CACNB4: variants seen among roughly 807,000 people sequenced by gnomAD.
The protein encoded by CACNB4 is calcium voltage-gated channel auxiliary subunit beta 4, also known as voltage-dependent L-type calcium channel subunit beta-4.
A neutral mutation model predicts 71.2 loss-of-function variants in CACNB4; 32 were observed. The observed-to-expected ratio is 0.45, with a 90% CI of 0.34 to 0.60. The LOEUF is 0.60. CACNB4 is among the 20% of genes least tolerant of loss of function. CACNB4 has a pLI of 0.01. For synonymous variants in CACNB4, 231 were observed against 236.9 expected (o/e 0.97, Z 0.23); for missense variants, 464 against 647.9 (o/e 0.72, Z 3.08).
At chr2:151,875,544 G>A (rs1205321033) in intron 5 of CACNB4, among the ~76,000 whole-genome samples, 1 of 151,462 alleles carries the variant, frequency 6.6e-6, no homozygotes. Context: ...CGGGCAGAGG[G>A]GCTCCTCACT....
chr2:151,954,147 A>G (rs1187418728), intron 2 of CACNB4, among the ~76,000 whole-genome samples: 2 of 152,194 alleles, frequency 1.3e-5, no homozygotes, highest in Non-Finnish European at 2.9e-5. Flanking sequence ...CTGAAGCAAC[A>G]ACCGCAGCTT....
At chr2:151,849,059 C>T (rs1224787086) in intron 12 of CACNB4, among the ~76,000 whole-genome samples, 1 of 152,086 alleles carries the variant, frequency 6.6e-6, no homozygotes, top group African/African-American at 2.4e-5. Context: ...CCCCTTTTGT[C>T]TGCATCCCAT....
intron 2 of CACNB4, among the ~76,000 whole-genome samples, chr2:152,054,382 A>G (rs1216453771): frequency 6.6e-6 from 1 of 151,848 alleles, no homozygotes; most frequent in Non-Finnish European, 1.5e-5. Flanking sequence ...AAAAAAAAAA[A>G]AAAAAAATAG....
intron 2 of CACNB4, among the ~76,000 whole-genome samples, chr2:152,062,135 T>C (rs1028298714): frequency 1.3e-5 from 2 of 152,024 alleles, no homozygotes; most frequent in Non-Finnish European, 2.9e-5. Flanking sequence ...ATTCACTTTC[T>C]ATGTACCTTA....
At chr2:152,040,452 AT>A (rs1684815485) in intron 2 of CACNB4, among the ~76,000 whole-genome samples, 1 of 151,686 alleles carries the variant, frequency 6.6e-6, no homozygotes. Context: ...TTATTCATTT[AT>A]TTTTTTGAGA....
At chr2:151,986,389 T>G (rs899731659) in intron 2 of CACNB4, among the ~76,000 whole-genome samples, 3 of 152,198 alleles carry the variant, frequency 2.0e-5, no homozygotes, top group African/African-American at 4.8e-5. Context: ...CTGTCTGTAT[T>G]TTATGGGTCA....
At chr2:152,018,414 AAAT>A (rs915871494) in intron 2 of CACNB4, among the ~76,000 whole-genome samples, 3 of 152,210 alleles carry the variant, frequency 2.0e-5, no homozygotes, top group East Asian at 3.9e-4. Context: ...AACGTGGTAA[AAAT>A]AATAATAATA....
intron 2 of CACNB4, among the ~76,000 whole-genome samples, chr2:151,949,184 A>G (rs1163226558): frequency 6.8e-6 from 1 of 146,110 alleles, no homozygotes; most frequent in Non-Finnish European, 1.5e-5. Flanking sequence ...AATAGGTATC[A>G]AAATAAATAG....
chr2:151,873,640 T>C (rs2099845179), intron 5 of CACNB4: 2 of 152,068 alleles, frequency 1.3e-5, no homozygotes, highest in Non-Finnish European at 2.9e-5. Flanking sequence ...GAAAGGGTGA[T>C]ACCTAACAAA....
intron 2 of CACNB4, among the ~76,000 whole-genome samples, chr2:151,941,430 T>C (rs2099864209): frequency 1.3e-5 from 2 of 151,910 alleles, no homozygotes. Flanking sequence ...TACAGATGCC[T>C]GCCACCATGC....
chr2:151,968,833 C>G (rs1232725051), intron 2 of CACNB4: 1 of 152,100 alleles, frequency 6.6e-6, no homozygotes, highest in Non-Finnish European at 1.5e-5. Flanking sequence ...CATGGAAGTA[C>G]CTGGCGAGGA....
Position 152,098,359 on chromosome 2 carries a change from T to G in CACNB4, c.118A>C (p.Thr40Pro). The G allele has an allele frequency of 6.2e-7, 1 of 1,613,730 alleles. No individual in the cohort carries two copies. Among genetic ancestry groups the G allele is most frequent in the Non-Finnish European group, 8.5e-7 (1 of 1,179,660 alleles). The change falls in exon 2 of 14, where the codon ACC (threonine) becomes CCC (proline). Residue 40 changes from threonine (T) to proline (P), a missense_variant. This residue lies in a region of CACNB4 where 299 missense variants were observed against 471.7 expected (regional missense o/e 0.63). Transcript: ENST00000539935. The surrounding 1 kb of genome is among the most constrained non-coding windows in gnomAD (Gnocchi z 5.3). ...RSRLKRSDGS[T>P]TSTSFILRQG... ...CTGAGGATGAAGCTGGTCGAAGTGG[T>G]GCTGCCATCGGATCTTTTCAACCTG...
chr2:151,968,809 A>G (rs2099871795), intron 2 of CACNB4: 1 of 152,202 alleles, frequency 6.6e-6, no homozygotes, highest in Non-Finnish European at 1.5e-5. Context: ...TAATAACAGC[A>G]GCAGAAAAGG....
chr2:151,965,367 A>ACACAATTATTCCT (rs2099870813), intron 2 of CACNB4, among the ~76,000 whole-genome samples: 1 of 152,208 alleles, frequency 6.6e-6, no homozygotes, highest in Non-Finnish European at 1.5e-5. Flanking sequence ...GAACTTAACC[A>ACACAATTATTCCT]GGTGAGGCAC....
chr2:152,009,014 C>T (rs568764771), intron 2 of CACNB4, among the ~76,000 whole-genome samples: 3 of 152,016 alleles, frequency 2.0e-5, no homozygotes, highest in Non-Finnish European at 4.4e-5. Flanking sequence ...TAACCACCAC[C>T]ATCAGGCCTT....
chr2:152,045,865 A>G (rs1303381034), intron 2 of CACNB4, among the ~76,000 whole-genome samples: 3 of 152,208 alleles, frequency 2.0e-5, no homozygotes, highest in Non-Finnish European at 4.4e-5. Context: ...GGAAAAAAAC[A>G]CAAGTAATGA....
rs776907823 is a variant in CACNB4, at chr2:151,876,428, T to C, written c.519A>G (p.Gly173=). Residue 173 remains glycine (G), a splice_region_variant and synonymous_variant, in exon 5 of 14, where the codon GGA becomes GGG. Coordinates refer to ENST00000539935, the MANE Select transcript of CACNB4 (RefSeq NM_000726.5). ...QQEQKRGRFH[G]GKSSGNSSSS... ...GCATAGAAAAGATGGGAACGTACCC[T>C]CCGTGAAAACGTCCTCTTTTTTGTT... 103 of 1,596,400 alleles carry C rather than the reference T, an allele frequency of 6.5e-5. No homozygotes were observed. In the South Asian group the frequency reaches 1.1e-3, roughly 17 times the overall value.
At chr2:151,951,586 A>C in intron 2 of CACNB4, among the ~76,000 whole-genome samples, 1 of 152,248 alleles carries the variant, frequency 6.6e-6, no homozygotes, top group Non-Finnish European at 1.5e-5. Flanking sequence ...CAGGGCAATA[A>C]GATGAGGTCC....
chr2:151,886,266 G>A (rs537229466), intron 2 of CACNB4, among the ~76,000 whole-genome samples: 5 of 152,160 alleles, frequency 3.3e-5, no homozygotes, highest in Non-Finnish European at 7.3e-5. Context: ...CGTAAGTCAG[G>A]AAGAAGGCAC....
Sources: gnomAD v4.1 joint callset for allele counts (sites outside exome capture counted in the v4.1 genomes callset) on GRCh38, gnomAD v4.1.1 for gene constraint, gnomAD v4.1.1 regional missense constraint, Gnocchi (gnomAD v3.1) non-coding constraint, MANE v1.5 for transcripts, NCBI Gene and HGNC (gene_info 2026-07-23, HGNC 2026-07-21) for gene names.